PHF20L1: variants seen among roughly 807,000 people sequenced by gnomAD.
PHF20L1 encodes the protein PHD finger protein 20-like protein 1.
In PHF20L1, 44 loss-of-function variants were observed where a neutral mutation model predicts 125.5. The ratio of observed to expected loss-of-function variants is 0.35; its 90% CI spans 0.28 to 0.45. PHF20L1 has a LOEUF of 0.45. PHF20L1 is among the 20% of genes least tolerant of loss of function. The probability of loss-of-function intolerance (pLI) is 1.00; values close to 1 mark genes in which losing one functional copy is unlikely to be tolerated. For synonymous variants in PHF20L1, 380 were observed against 403.1 expected (o/e 0.94, Z 0.69); for missense variants, 1,012 against 1,217.2 (o/e 0.83, Z 2.51).
intron 19 of PHF20L1, 70 bp downstream of exon 19, chr8:132,842,945 G>A (rs1838077688): frequency 6.7e-7 from 1 of 1,485,858 alleles, no homozygotes; most frequent in Admixed American, 2.3e-5. Flanking sequence ...TATAAAATAA[G>A]GCATACTGAA....
In PHF20L1 at chr8:132,813,701, A is replaced by T. The variant is rs116972322; in HGVS notation, c.931-936A>T. On this transcript the variant is annotated intron_variant, in intron 9 of 20. Coordinates refer to ENST00000395386, the MANE Select transcript of PHF20L1 (RefSeq NM_016018.5). ...TATTTTGCTCTCAGATAAGTATATC[A>T]GAAAGAGATAGAAGTATTGCAGAAC... 8.9e-3 allele frequency among the ~76,000 whole-genome samples: 1,351 copies of T among 152,138 alleles called. 39 individuals are homozygous for T. The highest frequency in any genetic ancestry group is 0.087 in the East Asian group (450 of 5,176).
intron 12 of PHF20L1, among the ~76,000 whole-genome samples, chr8:132,822,108 A>G (rs1024489627): frequency 3.3e-5 from 5 of 151,854 alleles, no homozygotes; most frequent in African/African-American, 1.2e-4. Context: ...ACAACCCTTT[A>G]TGAGTCTCCC....
At chr8:132,843,044 C>T in intron 19 of PHF20L1, 169 bp downstream of exon 19, 1 of 1,338,612 alleles carries the variant, frequency 7.5e-7, no homozygotes, top group Non-Finnish European at 9.6e-7. Flanking sequence ...AAACACTGGC[C>T]ATTTGAACAT....
At chr8:132,839,276 T>A in intron 17 of PHF20L1, 111 bp from the exon 18 acceptor site, 1 of 785,298 alleles carries the variant, frequency 1.3e-6, no homozygotes, top group Non-Finnish European at 2.2e-6. Flanking sequence ...TTGAATCTGC[T>A]CCTAGTGCTA....
intron 5 of PHF20L1, 113 bp from the exon 6 acceptor site, chr8:132,798,982 C>T: frequency 9.4e-7 from 1 of 1,068,790 alleles, no homozygotes. Context: ...GTGCTGATAG[C>T]CCCAAATAGC....
intron 8 of PHF20L1, chr8:132,808,239 T>G (rs1833958584): frequency 6.6e-6 from 1 of 152,396 alleles, no homozygotes; most frequent in African/African-American, 2.4e-5. Flanking sequence ...TAGTTTTTCT[T>G]AAGTCTCATT....
intron 8 of PHF20L1, among the ~76,000 whole-genome samples, chr8:132,805,417 T>G (rs150416364): frequency 6.6e-6 from 1 of 152,002 alleles, no homozygotes; most frequent in African/African-American, 2.4e-5. Context: ...GGGCCAGTCA[T>G]ACTACATCCT....
Position 132,837,765 on chromosome 8 carries a change from G to A in PHF20L1, c.2145G>A (p.Glu715=). ...GCGTGTGCATGGGGCTGCTGGAGGA[G>A]AGCATTCCAGAGCAGTACATCTGCT... ...QHSVCMGLLE[E]SIPEQYICYI... Residue 715 remains glutamate (E), a synonymous_variant, in exon 17 of 21, where the codon GAG becomes GAA. Coordinates refer to ENST00000395386, the MANE Select transcript of PHF20L1 (RefSeq NM_016018.5). 1.2e-6 allele frequency: 2 copies of A among 1,613,132 alleles called. No homozygotes were observed. The highest frequency in any genetic ancestry group is 1.7e-6 in the Non-Finnish European group (2 of 1,179,444).
chr8:132,776,467 G>T (rs1325461735), intron 1 of PHF20L1, among the ~76,000 whole-genome samples: 1 of 152,084 alleles, frequency 6.6e-6, no homozygotes, highest in Non-Finnish European at 1.5e-5. Context: ...TCATACATTT[G>T]TTCTTTTGCA....
At position 132,837,859 on chromosome 8, in the gene PHF20L1, C is replaced by T. The variant is rs745505515; in HGVS notation, c.2191+48C>T. The T allele has an allele frequency of 1.0e-5, 13 of 1,281,102 alleles. No individual in the cohort carries two copies. In the African/African-American group the frequency reaches 1.3e-4, roughly 13 times the overall value. The allele number at this position is 1,281,102 out of a possible 1,614,324, so 79.4% of individuals were successfully genotyped here. On this transcript the variant is annotated intron_variant, in intron 17 of 20. Coordinates refer to ENST00000395386, the MANE Select transcript of PHF20L1 (RefSeq NM_016018.5). ...GATTGCCAGGATGCCTCTATGTCTC[C>T]TCCAGGATTCCAGAGTGTATCAGCT...
At chr8:132,797,107 G>A (rs1832482314) in intron 4 of PHF20L1, among the ~76,000 whole-genome samples, 1 of 151,870 alleles carries the variant, frequency 6.6e-6, no homozygotes, top group East Asian at 1.9e-4. Context: ...TGTGATCCCT[G>A]GCATTTCCAG....
At chr8:132,794,610 G>C (rs1200288640) in intron 3 of PHF20L1, 29 bp downstream of exon 3, 1 of 1,568,458 alleles carries the variant, frequency 6.4e-7, no homozygotes, top group East Asian at 2.2e-5. Context: ...CTGTTTGCTA[G>C]TTTTGCCAGC....
intron 18 of PHF20L1, chr8:132,841,431 A>G (rs1234586165): frequency 6.6e-6 from 1 of 152,118 alleles, no homozygotes; most frequent in African/African-American, 2.4e-5. Flanking sequence ...TTAAACTACT[A>G]GGGATTCAAA....
chr8:132,820,361 A>G (rs1835444164), intron 12 of PHF20L1, among the ~76,000 whole-genome samples: 1 of 152,018 alleles, frequency 6.6e-6, no homozygotes, highest in Non-Finnish European at 1.5e-5. Flanking sequence ...CCTTGGGCCA[A>G]CAGTTATCTA....
intron 9 of PHF20L1, 169 bp downstream of exon 9, chr8:132,811,297 C>T (rs1050423691): frequency 5.8e-6 from 8 of 1,373,108 alleles, no homozygotes; most frequent in Non-Finnish European, 7.5e-6. Context: ...CAGATAACTA[C>T]AGACTTCATT....
At chr8:132,808,300 A>G (rs1232906979) in intron 8 of PHF20L1, 1 of 152,190 alleles carries the variant, frequency 6.6e-6, no homozygotes, top group African/African-American at 2.4e-5. Flanking sequence ...CAAACCATTA[A>G]TGGAAAGGGA....
intron 14 of PHF20L1, among the ~76,000 whole-genome samples, chr8:132,828,956 T>C (rs1390847735): frequency 2.0e-5 from 3 of 152,082 alleles, no homozygotes; most frequent in African/African-American, 4.8e-5. Flanking sequence ...GAAGGTCTGA[T>C]ATTTGTGGTA....
chr8:132,828,211 A>G (rs2131813350), intron 14 of PHF20L1, among the ~76,000 whole-genome samples: 1 of 152,140 alleles, frequency 6.6e-6, no homozygotes, highest in Admixed American at 6.6e-5. Flanking sequence ...TATTTTATAT[A>G]TCCTGCTGGT....
At chr8:132,803,720 G>A (rs1410153576) in intron 6 of PHF20L1, 99 bp from the exon 7 acceptor site, 6 of 661,964 alleles carry the variant, frequency 9.1e-6, no homozygotes, top group Non-Finnish European at 1.3e-5. Context: ...GTAGTTACCT[G>A]TGAAAGTAGC....
Sources: gnomAD v4.1 joint callset for allele counts (sites outside exome capture counted in the v4.1 genomes callset) on GRCh38, gnomAD v4.1.1 for gene constraint, MANE v1.5 for transcripts, NCBI Gene and HGNC (gene_info 2026-07-23, HGNC 2026-07-21) for gene names.